The following ATXN10 variants were observed in gnomAD, a reference collection of about 807,000 sequenced individuals.
ATXN10 encodes the protein ataxin 10.
Under a neutral mutation model 52.9 loss-of-function variants are expected in ATXN10, and 28 were observed. That is an observed-to-expected ratio of 0.53 (90% CI 0.39 to 0.73). The LOEUF (loss-of-function observed/expected upper bound fraction) is 0.73. Ranked by LOEUF, ATXN10 falls within the 30% of genes least tolerant of loss-of-function variation. ATXN10 has a pLI of 0.00. For missense variants in ATXN10, 565 were observed against 577.0 expected (o/e 0.98, Z 0.21); for synonymous variants, 226 against 221.5 (o/e 1.02, Z -0.18).
At chr22:45,830,858 C>G (rs1928969054) in intron 10 of ATXN10, among the ~76,000 whole-genome samples, 1 of 152,202 alleles carries the variant, frequency 6.6e-6, no homozygotes, top group South Asian at 2.1e-4. Flanking sequence ...AATTCCACTT[C>G]TGGGTATATA....
intron 1 of ATXN10, chr22:45,674,722 G>C (rs2146719924): frequency 6.6e-6 from 1 of 152,326 alleles, no homozygotes; most frequent in East Asian, 1.9e-4. Context: ...GTAGCAAATA[G>C]AAAACAGCAG....
In ATXN10 at chr22:45,681,946, C is replaced by T. The variant is rs1413329001; in HGVS notation, c.117-7766C>T. On this transcript the variant is annotated intron_variant, in intron 1 of 11. Transcript: ENST00000252934. The surrounding 1 kb of genome is among the most constrained non-coding windows in gnomAD (Gnocchi z 4.2). ...CACCTACTTGTATCTGTGCCCGTAGCCTGCCTTTGCTTCTGGTCTGTGGAT... is the reference window on the plus strand; with the variant it reads ...CACCTACTTGTATCTGTGCCCGTAGTCTGCCTTTGCTTCTGGTCTGTGGAT... Among the ~76,000 whole-genome samples the T allele has an allele frequency of 6.6e-6, 1 of 152,210 alleles. No individual in the cohort carries two copies. Among genetic ancestry groups the T allele is most frequent in the African/African-American group, 2.4e-5 (1 of 41,460 alleles).
Position 45,841,644 on chromosome 22 carries a change from T to A in ATXN10, c.1238-1347T>A, listed in dbSNP as rs1230366216. The stretch of plus-strand genomic sequence containing the variant: ...TGAGCATACAGCTGACTGTGTTTAG[T>A]ACGTTTCAGTTGTCTGACTTAATTG... On this transcript the variant is annotated intron_variant, in intron 10 of 11. Coordinates refer to ENST00000252934, the MANE Select transcript of ATXN10 (RefSeq NM_013236.4). The surrounding 1 kb of genome is among the most constrained non-coding windows in gnomAD (Gnocchi z 5.1). 6.6e-6 allele frequency among the ~76,000 whole-genome samples: 1 copy of A among 152,250 alleles called. No homozygotes were observed. The highest frequency in any genetic ancestry group is 1.5e-5 in the Non-Finnish European group (1 of 68,034).
intron 3 of ATXN10, among the ~76,000 whole-genome samples, chr22:45,695,353 A>G (rs1224175499): frequency 6.6e-6 from 1 of 152,038 alleles, no homozygotes; most frequent in African/African-American, 2.4e-5. Flanking sequence ...TGTCATTGTA[A>G]TAACGTCTTT....
chr22:45,832,984 T>C (rs1028181238), intron 10 of ATXN10, among the ~76,000 whole-genome samples: 2 of 152,238 alleles, frequency 1.3e-5, no homozygotes, highest in African/African-American at 4.8e-5. Flanking sequence ...TATACCTTTC[T>C]GCTGAAGGTT....
chr22:45,801,735 G>A lies in ATXN10; in HGVS notation c.1174-5224G>A, dbSNP rs576889873. On this transcript the variant is annotated intron_variant, in intron 9 of 11. Transcript: ENST00000252934. Reference sequence around the variant, plus strand: ...CTTTGCTGAAGGACAGCTAGTGGTTGGTGAAGGATTACCATATCCAGCTCT... The same window carrying A: ...CTTTGCTGAAGGACAGCTAGTGGTTAGTGAAGGATTACCATATCCAGCTCT... Among the ~76,000 whole-genome samples the A allele has an allele frequency of 4.4e-4, 67 of 152,280 alleles. No homozygotes were observed. The South Asian group carries it at 0.014, about 31-fold the overall frequency.
chr22:45,779,456 TTTG>T (rs1226116231), intron 9 of ATXN10, among the ~76,000 whole-genome samples: 6 of 152,196 alleles, frequency 3.9e-5, no homozygotes, highest in South Asian at 2.1e-4. Context: ...ATGTTGGGCT[TTTG>T]TTGTTGTTGT....
chr22:45,778,827 T>C (rs1946863183), intron 9 of ATXN10, among the ~76,000 whole-genome samples: 1 of 152,244 alleles, frequency 6.6e-6, no homozygotes, highest in Admixed American at 6.5e-5. Flanking sequence ...AAATTAATAC[T>C]AGTTTCTTTG....
rs1924112401 is a variant in ATXN10 at position 45,708,160 on chromosome 22, A to C, written c.647+5313A>C. Among the ~76,000 whole-genome samples the C allele has an allele frequency of 6.6e-6, 1 of 152,186 alleles. No homozygotes were observed. The highest frequency in any genetic ancestry group is 1.5e-5 in the Non-Finnish European group (1 of 68,030). On this transcript the variant is annotated intron_variant, in intron 5 of 11. Transcript: ENST00000252934. This position sits in a 1 kb window ranked among gnomAD's most constrained non-coding sequence, Gnocchi z 5.3. ...AATTATTGGGATAATGTCTTTCTAA[A>C]AATGTCTGTTCTTTTGTTTGTAGGT...
chr22:45,707,677 G>C lies in ATXN10; in HGVS notation c.647+4830G>C, dbSNP rs145647681. ...TATAATATAATATAATATATAAATA[G>C]CTCAAGTTAAAGGTATTAGAGACCA... On this transcript the variant is annotated intron_variant, in intron 5 of 11. Coordinates refer to ENST00000252934, the MANE Select transcript of ATXN10 (RefSeq NM_013236.4). 3.3e-5 allele frequency among the ~76,000 whole-genome samples: 5 copies of C among 149,702 alleles called. No homozygotes were observed. The East Asian group carries it at 9.7e-4, about 29-fold the overall frequency.
At position 45,837,084 on chromosome 22, in the gene ATXN10, G is replaced by A. The variant is rs1415317236; in HGVS notation, c.1238-5907G>A. On this transcript the variant is annotated intron_variant, in intron 10 of 11. Transcript: ENST00000252934. This position sits in a 1 kb window ranked among gnomAD's most constrained non-coding sequence, Gnocchi z 5.8. Reference sequence around the variant, plus strand: ...ATCTAAAAAGAGTTTTAAAATATATGTCCTGGATGCGAAAACAATGCAGAT... The same window carrying A: ...ATCTAAAAAGAGTTTTAAAATATATATCCTGGATGCGAAAACAATGCAGAT... 6.6e-6 allele frequency among the ~76,000 whole-genome samples: 1 copy of A among 152,064 alleles called. No homozygotes were observed. The highest frequency in any genetic ancestry group is 6.5e-5 in the Admixed American group (1 of 15,274).
chr22:45,693,258 A>G (rs1357940559), intron 3 of ATXN10, among the ~76,000 whole-genome samples, 180 bp downstream of exon 3: 1 of 152,196 alleles, frequency 6.6e-6, no homozygotes, highest in Non-Finnish European at 1.5e-5. Context: ...TGAATGGCTG[A>G]ATTTTGTTCC....
Position 45,771,626 on chromosome 22 carries a change from C to T in ATXN10, c.1173+31088C>T, listed in dbSNP as rs186253699. ...GAGACAAGATTTCACCATGTTGGCCCGGCTGGTCTCGAACTCCTGACCTCA... is the reference window on the plus strand; with the variant it reads ...GAGACAAGATTTCACCATGTTGGCCTGGCTGGTCTCGAACTCCTGACCTCA... On this transcript the variant is annotated intron_variant, in intron 9 of 11. Transcript: ENST00000252934. Among the ~76,000 whole-genome samples the T allele has an allele frequency of 6.0e-3, 913 of 151,842 alleles. 19 individuals carry two copies. Among genetic ancestry groups the T allele is most frequent in the Non-Finnish European group, 6.1e-3 (413 of 67,924 alleles).
intron 1 of ATXN10, chr22:45,675,392 C>G (rs1308817004): frequency 6.6e-6 from 1 of 152,222 alleles, no homozygotes; most frequent in East Asian, 1.9e-4. Flanking sequence ...TGAGTGTGGG[C>G]TGAACTTAGT....
rs139636792 is a variant in ATXN10 at position 45,762,037 on chromosome 22, A to G, written c.1173+21499A>G. Among the ~76,000 whole-genome samples the G allele has an allele frequency of 2.8e-3, 432 of 152,278 alleles. 5 individuals are homozygous for G. Among genetic ancestry groups the G allele is most frequent in the African/African-American group, 9.8e-3 (409 of 41,554 alleles). On this transcript the variant is annotated intron_variant, in intron 9 of 11. Coordinates refer to ENST00000252934, the MANE Select transcript of ATXN10 (RefSeq NM_013236.4). This position sits in a 1 kb window ranked among gnomAD's most constrained non-coding sequence, Gnocchi z 4.3. The stretch of plus-strand genomic sequence containing the variant: ...GTTTTCTGATTTTTAAAAACTTCCT[A>G]TTTAGTCATATGTTTTTACTTCACT...
In ATXN10 at chr22:45,781,545, C is replaced by T. The variant is rs1423781478; in HGVS notation, c.1174-25414C>T. On this transcript the variant is annotated intron_variant, in intron 9 of 11. Coordinates refer to ENST00000252934, the MANE Select transcript of ATXN10 (RefSeq NM_013236.4). This position sits in a 1 kb window ranked among gnomAD's most constrained non-coding sequence, Gnocchi z 4.2. ...ATTCAGTCTTCTCATACCACTACAC[C>T]CAAATGTTTAGAGTACAATTTAAAA... 1.3e-5 allele frequency among the ~76,000 whole-genome samples: 2 copies of T among 152,108 alleles called. No individual in the cohort carries two copies. Among genetic ancestry groups the T allele is most frequent in the African/African-American group, 2.4e-5 (1 of 41,386 alleles).
chr22:45,698,128 G>T (rs1276320655), intron 3 of ATXN10, among the ~76,000 whole-genome samples: 2 of 152,074 alleles, frequency 1.3e-5, no homozygotes, highest in Admixed American at 6.6e-5. Context: ...ACATCCAATT[G>T]TTTATCTGTT....
At chr22:45,721,947 G>A (rs1472378405) in intron 6 of ATXN10, among the ~76,000 whole-genome samples, 1 of 151,490 alleles carries the variant, frequency 6.6e-6, no homozygotes. Flanking sequence ...AACAAAACAG[G>A]AATCGTAATT....
intron 9 of ATXN10, among the ~76,000 whole-genome samples, chr22:45,806,515 A>G (rs1928104267): frequency 6.6e-6 from 1 of 152,242 alleles, no homozygotes; most frequent in Non-Finnish European, 1.5e-5. Context: ...TGAAAAACAA[A>G]TAGTCAAATT....
Sources: allele counts gnomAD v4.1 joint callset (sites outside exome capture counted in the v4.1 genomes callset), GRCh38; gene constraint gnomAD v4.1.1; non-coding constraint Gnocchi (gnomAD v3.1); transcripts MANE v1.5; gene names NCBI Gene and HGNC (gene_info 2026-07-23, HGNC 2026-07-21).